The following ALG14 variants were observed in gnomAD, a reference collection of about 807,000 sequenced individuals.
ALG14 encodes UDP-N-acetylglucosamine transferase subunit ALG14.
ALG14 carries 17 observed loss-of-function variants against 22.8 expected under a neutral mutation model. The observed-to-expected ratio is 0.75, with a 90% CI of 0.51 to 1.12. ALG14 has a LOEUF of 1.12. Among genes scored for constraint, ALG14 ranks in the 50% most tolerant of loss-of-function variants. The pLI is 0.00. For synonymous variants in ALG14, 89 were observed against 103.7 expected (o/e 0.86, Z 0.86); for missense variants, 288 against 271.8 (o/e 1.06, Z -0.42).
At chr1:95,016,314 C>T (rs1345035372) in intron 3 of ALG14, among the ~76,000 whole-genome samples, 1 of 151,986 alleles carries the variant, frequency 6.6e-6, no homozygotes, top group Non-Finnish European at 1.5e-5. Flanking sequence ...AGACTTTGGA[C>T]AAGGCACTCC....
At chr1:95,002,717 CGAT>C (rs1317164358) in intron 3 of ALG14, among the ~76,000 whole-genome samples, 3 of 152,158 alleles carry the variant, frequency 2.0e-5, no homozygotes, top group African/African-American at 7.2e-5. Context: ...ATTAAAGCAA[CGAT>C]AGTATCTACT....
chr1:95,065,111 G>A, intron 1 of ALG14, 94 bp from the exon 2 acceptor site: 1 of 1,120,496 alleles, frequency 8.9e-7, no homozygotes, highest in Non-Finnish European at 1.2e-6. Flanking sequence ...TCAGGTTGGG[G>A]GTGGGGGGGC....
intron 2 of ALG14, among the ~76,000 whole-genome samples, chr1:95,043,552 T>C (rs752111142): frequency 3.9e-5 from 6 of 152,156 alleles, no homozygotes; most frequent in Non-Finnish European, 8.8e-5. Context: ...CCGCCTCTAC[T>C]GAGAACTAGT....
intron 3 of ALG14, among the ~76,000 whole-genome samples, chr1:95,004,268 A>G (rs1673146905): frequency 7.3e-6 from 1 of 136,386 alleles, no homozygotes. Context: ...ATCACCCAGG[A>G]TGGAGTGCAG....
rs1050795342 is a variant in ALG14, at chr1:94,976,885, G to T, written c.*6191C>A. On this transcript the variant is annotated 3_prime_UTR_variant, in exon 4 of 4. Coordinates refer to ENST00000370205, the MANE Select transcript of ALG14 (RefSeq NM_144988.4). ...TTGACCTTGAATTAATCAAAAGGGAGATTACACTGACTCAGTCATGTGAGT... is the reference window on the plus strand; with the variant it reads ...TTGACCTTGAATTAATCAAAAGGGATATTACACTGACTCAGTCATGTGAGT... 6.6e-6 allele frequency: 1 copy of T among 152,150 alleles called. No homozygotes were observed. The highest frequency in any genetic ancestry group is 1.5e-5 in the Non-Finnish European group (1 of 68,032). The allele number at this position is 152,150 out of a possible 1,614,324, so 9.4% of individuals were successfully genotyped here. A position where few individuals can be genotyped will look rare whatever the true frequency, so the allele number is the denominator to read the frequency against.
At chr1:95,062,127 A>G (rs1675183716) in intron 2 of ALG14, 1 of 152,240 alleles carries the variant, frequency 6.6e-6, no homozygotes, top group Non-Finnish European at 1.5e-5. Flanking sequence ...CAATAAACGT[A>G]ACACATTGAT....
chr1:94,989,045 C>A (rs1044591178), intron 3 of ALG14, among the ~76,000 whole-genome samples: 2 of 152,076 alleles, frequency 1.3e-5, no homozygotes, highest in Admixed American at 1.3e-4. Flanking sequence ...TAAAAACTCA[C>A]GGTTTTTAAT....
chr1:95,000,519 G>C (rs890194222), intron 3 of ALG14, among the ~76,000 whole-genome samples: 3 of 114,276 alleles, frequency 2.6e-5, no homozygotes, highest in African/African-American at 1.0e-4. Flanking sequence ...CTGCGTAACA[G>C]AGCAAGACCC....
chr1:94,983,008 T>A lies in ALG14; in HGVS notation c.*68A>T. ...GCCTTTACAAGAAACATGTAGGGTT[T>A]TTTTCCCCCCAATTTGAGTACATAC... On this transcript the variant is annotated 3_prime_UTR_variant, in exon 4 of 4. Coordinates refer to ENST00000370205, the MANE Select transcript of ALG14 (RefSeq NM_144988.4). 1 of 1,380,564 alleles carries A rather than the reference T, an allele frequency of 7.2e-7. No individual in the cohort carries two copies. Among genetic ancestry groups the A allele is most frequent in the East Asian group, 2.3e-5 (1 of 43,554 alleles). The allele number at this position is 1,380,564 out of a possible 1,614,324, so 85.5% of individuals were successfully genotyped here. A position where few individuals can be genotyped will look rare whatever the true frequency, so the allele number is the denominator to read the frequency against.
chr1:95,039,002 G>A (rs755685200), intron 2 of ALG14, among the ~76,000 whole-genome samples: 1 of 152,156 alleles, frequency 6.6e-6, no homozygotes, highest in South Asian at 2.1e-4. Context: ...GATTACAGGC[G>A]TGAGCCACCA....
At chr1:94,998,841 C>A (rs889197608) in intron 3 of ALG14, among the ~76,000 whole-genome samples, 1 of 152,130 alleles carries the variant, frequency 6.6e-6, no homozygotes, top group Non-Finnish European at 1.5e-5. Flanking sequence ...TTTTACCTGG[C>A]AGTTGGGCTT....
chr1:95,048,753 G>C (rs1294899503), intron 2 of ALG14, among the ~76,000 whole-genome samples: 1 of 151,512 alleles, frequency 6.6e-6, no homozygotes, highest in Non-Finnish European at 1.5e-5. Context: ...GGCTTTTCAA[G>C]GTATTTTTTT....
rs111510833 is a variant in ALG14, at chr1:95,047,463, C to A, written c.288+17403G>T. Among the ~76,000 whole-genome samples the A allele has an allele frequency of 2.9e-3, 449 of 152,210 alleles. 14 individuals carry two copies. The East Asian group carries it at 0.063, about 21-fold the overall frequency. On this transcript the variant is annotated intron_variant, in intron 2 of 3. Transcript: ENST00000370205. Reference sequence around the variant, plus strand: ...GTTCAAGTGATTCTCCTGGCCTCAGCCTCCCAAGTAACTGGGATTACAGGC... The same window carrying A: ...GTTCAAGTGATTCTCCTGGCCTCAGACTCCCAAGTAACTGGGATTACAGGC...
chr1:94,994,140 T>C (rs1023494819), intron 3 of ALG14, among the ~76,000 whole-genome samples: 3 of 152,262 alleles, frequency 2.0e-5, no homozygotes, highest in African/African-American at 7.2e-5. Flanking sequence ...AACCAAACAT[T>C]GTTTTCCCAA....
intron 3 of ALG14, among the ~76,000 whole-genome samples, chr1:95,020,248 A>C (rs983871162): frequency 2.6e-5 from 4 of 151,938 alleles, no homozygotes; most frequent in African/African-American, 9.7e-5. Context: ...ATACAAGGAG[A>C]AAAATAAGTC....
chr1:94,980,967 C>T lies in ALG14; in HGVS notation c.*2109G>A, dbSNP rs1025250470. 2.0e-5 allele frequency: 3 copies of T among 151,998 alleles called. No individual in the cohort carries two copies. Among genetic ancestry groups the T allele is most frequent in the African/African-American group, 7.3e-5 (3 of 41,364 alleles). The allele number at this position is 151,998 out of a possible 1,614,324, so 9.4% of individuals were successfully genotyped here. On this transcript the variant is annotated 3_prime_UTR_variant, in exon 4 of 4. Coordinates refer to ENST00000370205, the MANE Select transcript of ALG14 (RefSeq NM_144988.4). ...GGTCTGATCTTTGTTAAGCTCTGAC[C>T]TGACAGAAGCCTCTGCAGCAGGATT...
intron 2 of ALG14, among the ~76,000 whole-genome samples, chr1:95,033,420 T>TAC (rs374040999): frequency 0.036 from 5,063 of 139,554 alleles, 120 homozygotes; most frequent in Non-Finnish European, 0.049. Flanking sequence ...TATATATATA[T>TAC]ACACACACAC....
intron 3 of ALG14, among the ~76,000 whole-genome samples, chr1:94,992,624 T>C (rs1450655521): frequency 1.3e-5 from 2 of 152,182 alleles, no homozygotes; most frequent in African/African-American, 2.4e-5. Flanking sequence ...GGTGAAACTG[T>C]ATCTCAGGGT....
Position 94,975,985 on chromosome 1 carries a change from TCA to T in ALG14, c.*7089_*7090del, listed in dbSNP as rs1293311938. 2.3e-5 allele frequency: 3 copies of T among 131,588 alleles called. No homozygotes were observed. The highest frequency in any genetic ancestry group is 8.9e-5 in the African/African-American group (3 of 33,626). The allele number at this position is 131,588 out of a possible 1,614,324, so 8.2% of individuals were successfully genotyped here. Reference sequence around the variant, plus strand: ...TGAGCCGAGATCGCGCCACTGCACTTCAGCCTGGGCAACAGAGCGAGACTCTG... The same window carrying T: ...TGAGCCGAGATCGCGCCACTGCACTTGCCTGGGCAACAGAGCGAGACTCTG... On this transcript the variant is annotated 3_prime_UTR_variant, in exon 4 of 4. Coordinates refer to ENST00000370205, the MANE Select transcript of ALG14 (RefSeq NM_144988.4).
Sources: gnomAD v4.1 joint callset for allele counts (sites outside exome capture counted in the v4.1 genomes callset) on GRCh38, gnomAD v4.1.1 for gene constraint, MANE v1.5 for transcripts, NCBI Gene and HGNC (gene_info 2026-07-23, HGNC 2026-07-21) for gene names.